The following GRM5 variants were observed in gnomAD, a reference collection of about 807,000 sequenced individuals.
The protein encoded by GRM5 is metabotropic glutamate receptor 5.
In GRM5, 19 loss-of-function variants were observed where a neutral mutation model predicts 83.1. That is an observed-to-expected ratio of 0.23 (90% CI 0.16 to 0.34). The LOEUF (loss-of-function observed/expected upper bound fraction) is 0.34. Ranked by LOEUF, GRM5 falls within the 10% of genes least tolerant of loss-of-function variation. The pLI, the probability that GRM5 is intolerant of heterozygous loss-of-function variation, is 1.00. For synonymous variants in GRM5, 675 were observed against 633.6 expected (o/e 1.07, Z -0.98); for missense variants, 1,160 against 1,588.3 (o/e 0.73, Z 4.58).
intron 2 of GRM5, among the ~76,000 whole-genome samples, chr11:89,040,871 A>T (rs532225375): frequency 3.3e-5 from 5 of 152,178 alleles, no homozygotes; most frequent in Admixed American, 6.5e-5. Flanking sequence ...AGTTTTGAGG[A>T]TCTCTATTCT....
chr11:88,517,161 A>G (rs2135090515), intron 9 of GRM5, among the ~76,000 whole-genome samples: 2 of 147,086 alleles, frequency 1.4e-5, no homozygotes, highest in Non-Finnish European at 3.0e-5. Flanking sequence ...ACACACACAC[A>G]CGTTTCTGAT....
chr11:88,986,952 C>G (rs1939738766), intron 2 of GRM5, among the ~76,000 whole-genome samples: 1 of 151,970 alleles, frequency 6.6e-6, no homozygotes, highest in African/African-American at 2.4e-5. Context: ...CTTTGGGAGG[C>G]TGAGGTGGGT....
chr11:88,883,716 TAGG>T (rs1944997086), intron 2 of GRM5, among the ~76,000 whole-genome samples: 1 of 151,622 alleles, frequency 6.6e-6, no homozygotes, highest in South Asian at 2.1e-4. Flanking sequence ...CCTGGAGGCT[TAGG>T]AGGAAAAAAA....
intron 3 of GRM5, among the ~76,000 whole-genome samples, chr11:88,849,248 AT>A (rs1233752009): frequency 8.5e-5 from 13 of 152,084 alleles, no homozygotes; most frequent in Admixed American, 3.3e-4. Flanking sequence ...TTTTTATTAT[AT>A]ATGTATATAC....
At chr11:89,029,186 G>A (rs544865593) in intron 2 of GRM5, among the ~76,000 whole-genome samples, 2 of 152,140 alleles carry the variant, frequency 1.3e-5, no homozygotes, top group African/African-American at 4.8e-5. Flanking sequence ...ATCATTGATG[G>A]GCATTTTTCT....
At chr11:88,739,596 T>A (rs549303362) in intron 3 of GRM5, among the ~76,000 whole-genome samples, 2 of 152,158 alleles carry the variant, frequency 1.3e-5, no homozygotes, top group African/African-American at 4.8e-5. Flanking sequence ...GTTTGGATTA[T>A]GGGGGCGGGT....
chr11:89,022,200 G>A (rs1418805740), intron 2 of GRM5, among the ~76,000 whole-genome samples: 2 of 152,020 alleles, frequency 1.3e-5, no homozygotes, highest in Admixed American at 1.3e-4. Flanking sequence ...GCTGGTTTTT[G>A]TAGCCTAAAG....
intron 1 of GRM5, among the ~76,000 whole-genome samples, chr11:89,053,936 T>C (rs1941816403): frequency 1.3e-5 from 2 of 152,210 alleles, no homozygotes; most frequent in Non-Finnish European, 2.9e-5. Flanking sequence ...CATGTGGCTG[T>C]AGAAAAGTTA....
At chr11:88,823,766 G>A (rs973549975) in intron 3 of GRM5, among the ~76,000 whole-genome samples, 6 of 152,104 alleles carry the variant, frequency 3.9e-5, no homozygotes, top group African/African-American at 1.4e-4. Flanking sequence ...GTTTGTAAAA[G>A]TTTTCTTATT....
intron 2 of GRM5, among the ~76,000 whole-genome samples, chr11:88,988,730 T>C (rs971523671): frequency 4.6e-5 from 7 of 150,758 alleles, no homozygotes; most frequent in Admixed American, 4.0e-4. Flanking sequence ...AAAAGAATTT[T>C]CAACCAAGAA....
At chr11:88,519,448 A>G (rs144309531) in intron 9 of GRM5, among the ~76,000 whole-genome samples, 1 of 152,182 alleles carries the variant, frequency 6.6e-6, no homozygotes, top group Non-Finnish European at 1.5e-5. Flanking sequence ...GGCTGATAAC[A>G]TAGTGATTAT....
At chr11:88,846,215 G>A (rs1944302234) in intron 3 of GRM5, among the ~76,000 whole-genome samples, 1 of 152,116 alleles carries the variant, frequency 6.6e-6, no homozygotes, top group Admixed American at 6.5e-5. Context: ...TTGTTTCCAA[G>A]TCTTATTTAA....
intron 3 of GRM5, among the ~76,000 whole-genome samples, chr11:88,835,825 A>G (rs1944084021): frequency 6.6e-6 from 1 of 152,240 alleles, no homozygotes. Context: ...AAATTAAATC[A>G]CTTTGGGTTG....
chr11:88,985,034 T>G (rs1441943737), intron 2 of GRM5, among the ~76,000 whole-genome samples: 1 of 147,930 alleles, frequency 6.8e-6, no homozygotes, highest in Non-Finnish European at 1.5e-5. Context: ...TTAAGTCCTT[T>G]GATACAGGTA....
intron 2 of GRM5, among the ~76,000 whole-genome samples, chr11:88,916,094 G>A (rs545325351): frequency 2.0e-3 from 310 of 152,224 alleles, no homozygotes; most frequent in South Asian, 6.0e-3. Flanking sequence ...TCATTTGGTA[G>A]GAGGAGAAAC....
chr11:88,840,175 G>C (rs2135529627), intron 3 of GRM5, among the ~76,000 whole-genome samples: 1 of 152,088 alleles, frequency 6.6e-6, no homozygotes, highest in African/African-American at 2.4e-5. Context: ...CTCTAAAAAT[G>C]TTTCTATACA....
Position 88,633,483 on chromosome 11 carries a change from G to C in GRM5, c.1147+19685C>G, listed in dbSNP as rs556728773. ...TTCTTATAGATATTTTATAGTTTTA[G>C]GTTTCACATTTATATCTATAATTTT... On this transcript the variant is annotated intron_variant, in intron 4 of 9. Coordinates refer to ENST00000305447, the MANE Select transcript of GRM5 (RefSeq NM_001143831.3). Among the ~76,000 whole-genome samples, 56 of 152,146 alleles carry C rather than the reference G, an allele frequency of 3.7e-4. 1 individual carries two copies. The South Asian group carries it at 0.01, about 28-fold the overall frequency.
chr11:88,740,914 A>C (rs970649653), intron 3 of GRM5, among the ~76,000 whole-genome samples: 4 of 152,060 alleles, frequency 2.6e-5, no homozygotes, highest in Non-Finnish European at 4.4e-5. Context: ...ATGGTGGAGC[A>C]ATCTGAGATA....
chr11:88,677,601 C>T (rs769390220), intron 3 of GRM5, among the ~76,000 whole-genome samples: 17 of 152,134 alleles, frequency 1.1e-4, no homozygotes, highest in Non-Finnish European at 2.2e-4. Context: ...CACCCTATAC[C>T]TTAAGCCTGA....
Sources: allele counts gnomAD v4.1 joint callset (sites outside exome capture counted in the v4.1 genomes callset), GRCh38; gene constraint gnomAD v4.1.1; transcripts MANE v1.5; gene names NCBI Gene and HGNC (gene_info 2026-07-23, HGNC 2026-07-21).